Variants in DLGAP1 observed in about 807,000 individuals in gnomAD.
DLGAP1 encodes the protein DLG associated protein 1, also known as disks large-associated protein 1.
A neutral mutation model predicts 90.8 loss-of-function variants in DLGAP1; 11 were observed. That is an observed-to-expected ratio of 0.12 (90% CI 0.08 to 0.20). The LOEUF (loss-of-function observed/expected upper bound fraction) is 0.20, where lower values mean the gene tolerates loss of function less well. DLGAP1 is among the 10% of genes least tolerant of loss of function. DLGAP1 has a pLI of 1.00. For missense variants in DLGAP1, 1,050 were observed against 1,333.8 expected (o/e 0.79, Z 3.31); for synonymous variants, 558 against 540.7 (o/e 1.03, Z -0.44).
intron 1 of DLGAP1, among the ~76,000 whole-genome samples, chr18:4,324,174 CA>C (rs979325953): frequency 2.0e-5 from 3 of 151,616 alleles, no homozygotes; most frequent in African/African-American, 7.3e-5. Flanking sequence ...TTAGAAATGA[CA>C]AAAAAGATGT....
At chr18:3,549,658 C>T (rs1189156448) in intron 9 of DLGAP1, among the ~76,000 whole-genome samples, 1 of 152,030 alleles carries the variant, frequency 6.6e-6, no homozygotes, top group African/African-American at 2.4e-5. Context: ...CACATACATG[C>T]ACTTCCGGTC....
chr18:4,317,906 G>A (rs1372516384), intron 1 of DLGAP1, among the ~76,000 whole-genome samples: 1 of 152,184 alleles, frequency 6.6e-6, no homozygotes, highest in East Asian at 1.9e-4. Context: ...TGAGTGCAGT[G>A]GTGTGATCTC....
intron 3 of DLGAP1, among the ~76,000 whole-genome samples, chr18:3,893,831 C>A (rs951803274): frequency 1.3e-5 from 2 of 151,998 alleles, no homozygotes; most frequent in Non-Finnish European, 2.9e-5. Context: ...TACATTCCCA[C>A]CAAAAGTGTA....
At chr18:4,199,424 T>A in intron 1 of DLGAP1, among the ~76,000 whole-genome samples, 1 of 152,354 alleles carries the variant, frequency 6.6e-6, no homozygotes, top group South Asian at 2.1e-4. Flanking sequence ...TTGGAAACAT[T>A]TTTGTATTCT....
At chr18:4,274,923 T>C (rs2079375866) in intron 1 of DLGAP1, among the ~76,000 whole-genome samples, 1 of 152,180 alleles carries the variant, frequency 6.6e-6, no homozygotes, top group Non-Finnish European at 1.5e-5. Flanking sequence ...TGATCATTAA[T>C]GGGAACAAAT....
intron 1 of DLGAP1, among the ~76,000 whole-genome samples, chr18:4,367,931 CA>C (rs932893756): frequency 2.6e-5 from 4 of 152,004 alleles, no homozygotes; most frequent in Non-Finnish European, 5.9e-5. Flanking sequence ...CAACAATTTT[CA>C]AAATTTGATG....
At chr18:3,911,149 C>A (rs918703276) in intron 3 of DLGAP1, among the ~76,000 whole-genome samples, 1 of 152,134 alleles carries the variant, frequency 6.6e-6, no homozygotes, top group Non-Finnish European at 1.5e-5. Flanking sequence ...AGGACAAAAG[C>A]GTTGACTGGG....
intron 3 of DLGAP1, among the ~76,000 whole-genome samples, chr18:3,969,525 A>T (rs967064764): frequency 1.3e-5 from 2 of 149,662 alleles, no homozygotes; most frequent in Non-Finnish European, 2.9e-5. Flanking sequence ...ACAGAAAGAC[A>T]GTGGTTTAAG....
At chr18:3,622,476 A>T (rs1353360180) in intron 7 of DLGAP1, among the ~76,000 whole-genome samples, 1 of 152,130 alleles carries the variant, frequency 6.6e-6, no homozygotes, top group Non-Finnish European at 1.5e-5. Context: ...TCTCTCAAAG[A>T]TTGGCTCTGT....
intron 2 of DLGAP1, among the ~76,000 whole-genome samples, chr18:4,121,243 T>C (rs1242455493): frequency 6.6e-6 from 1 of 152,054 alleles, no homozygotes; most frequent in Non-Finnish European, 1.5e-5. Context: ...GCAGAATCCC[T>C]GAGACAGGAA....
intron 7 of DLGAP1, among the ~76,000 whole-genome samples, chr18:3,698,277 T>C (rs2061162247): frequency 6.6e-6 from 1 of 152,204 alleles, no homozygotes. Flanking sequence ...TTCTTCATAG[T>C]GTCAATGGTC....
At chr18:4,422,070 T>C (rs772910978) in intron 1 of DLGAP1, among the ~76,000 whole-genome samples, 5 of 152,152 alleles carry the variant, frequency 3.3e-5, no homozygotes, top group Non-Finnish European at 7.4e-5. Context: ...TAAAAATATT[T>C]GGTTCATATG....
chr18:4,223,444 T>A (rs2144988947), intron 1 of DLGAP1, among the ~76,000 whole-genome samples: 1 of 152,306 alleles, frequency 6.6e-6, no homozygotes, highest in South Asian at 2.1e-4. Context: ...CAGCCTTTTA[T>A]ATAGCACTTT....
rs1049850609 is a variant in DLGAP1 at position 3,660,264 on chromosome 18, C to T, written c.1591+68871G>A. 6.6e-6 allele frequency among the ~76,000 whole-genome samples: 1 copy of T among 152,234 alleles called. No homozygotes were observed. Among genetic ancestry groups the T allele is most frequent in the Admixed American group, 6.5e-5 (1 of 15,286 alleles). On this transcript the variant is annotated intron_variant, in intron 7 of 12. Coordinates refer to ENST00000315677, the MANE Select transcript of DLGAP1 (RefSeq NM_004746.4). The surrounding 1 kb of genome is among the most constrained non-coding windows in gnomAD (Gnocchi z 4.2). Reference sequence around the variant, plus strand: ...TTTCAAGCAATCCTCCAGCCTCAGACTCCCAAGTAGCAGGGACTACAGGTA... The same window carrying T: ...TTTCAAGCAATCCTCCAGCCTCAGATTCCCAAGTAGCAGGGACTACAGGTA...
intron 3 of DLGAP1, among the ~76,000 whole-genome samples, chr18:3,955,493 C>T (rs143332086): frequency 0.019 from 2,892 of 152,086 alleles, 40 homozygotes; most frequent in Non-Finnish European, 0.031. Flanking sequence ...GGGTAGATCA[C>T]CTGAGGTCAG....
chr18:4,089,928 T>C (rs769548536), intron 2 of DLGAP1, among the ~76,000 whole-genome samples: 25 of 151,978 alleles, frequency 1.6e-4, no homozygotes, highest in Admixed American at 3.9e-4. Flanking sequence ...TCCTGTGGTC[T>C]CAGCTACTCA....
At chr18:4,091,295 C>A (rs576039838) in intron 2 of DLGAP1, among the ~76,000 whole-genome samples, 6 of 152,270 alleles carry the variant, frequency 3.9e-5, no homozygotes, top group Admixed American at 1.3e-4. Flanking sequence ...TCTTCTGAAT[C>A]TAAGATGTCT....
chr18:3,665,668 C>T (rs2059853246), intron 7 of DLGAP1, among the ~76,000 whole-genome samples: 1 of 152,100 alleles, frequency 6.6e-6, no homozygotes, highest in African/African-American at 2.4e-5. Flanking sequence ...AGTAGGCTTC[C>T]AAAGGGAGAA....
At chr18:4,438,121 G>A (rs1473732975) in intron 1 of DLGAP1, among the ~76,000 whole-genome samples, 1 of 152,128 alleles carries the variant, frequency 6.6e-6, no homozygotes, top group Non-Finnish European at 1.5e-5. Flanking sequence ...GAAGATTTAT[G>A]TAACACCTCC....
Sources: gnomAD v4.1 joint callset for allele counts (sites outside exome capture counted in the v4.1 genomes callset) on GRCh38, gnomAD v4.1.1 for gene constraint, Gnocchi (gnomAD v3.1) non-coding constraint, MANE v1.5 for transcripts, NCBI Gene and HGNC (gene_info 2026-07-23, HGNC 2026-07-21) for gene names.